The following PRIM2 variants were observed in gnomAD, a reference collection of about 807,000 sequenced individuals.
PRIM2 encodes the protein DNA primase large subunit.
A neutral mutation model predicts 67.3 loss-of-function variants in PRIM2; 39 were observed. The ratio of observed to expected loss-of-function variants is 0.58; its 90% CI spans 0.45 to 0.76. The LOEUF (loss-of-function observed/expected upper bound fraction) is 0.76. Among genes scored for constraint, PRIM2 ranks in the 30% least tolerant of loss-of-function variants. The pLI, the probability that PRIM2 is intolerant of heterozygous loss-of-function variation, is 0.00. For synonymous variants in PRIM2, 143 were observed against 198.7 expected (o/e 0.72, Z 2.36); for missense variants, 398 against 598.7 (o/e 0.66, Z 3.50).
chr6:57,349,482 G>C (rs764160311), intron 5 of PRIM2, among the ~76,000 whole-genome samples: 1 of 150,082 alleles, frequency 6.7e-6, no homozygotes, highest in East Asian at 1.9e-4. Flanking sequence ...TATATATTTA[G>C]TTATGGAATT....
chr6:57,304,884 T>G, the PRIM2 span, among the ~76,000 whole-genome samples: 1,073 of 152,216 alleles, frequency 7.0e-3, 12 homozygotes, highest in African/African-American at 0.024. Context: ...AACATAAAGT[T>G]TTTACTACTT....
At chr6:57,238,896 C>T in the PRIM2 span, among the ~76,000 whole-genome samples, 2 of 152,232 alleles carry the variant, frequency 1.3e-5, no homozygotes, top group South Asian at 2.1e-4. Context: ...ATATTATTGT[C>T]AAGCTCCTTA....
the PRIM2 span, among the ~76,000 whole-genome samples, chr6:57,249,972 T>C: frequency 6.6e-6 from 1 of 152,314 alleles, no homozygotes; most frequent in South Asian, 2.1e-4. Context: ...CTTCCTGCTG[T>C]TGGGAGGACC....
At chr6:57,283,004 CTCA>C in the PRIM2 span, among the ~76,000 whole-genome samples, 19 of 152,034 alleles carry the variant, frequency 1.2e-4, no homozygotes, top group African/African-American at 4.4e-4. Flanking sequence ...TCTCACTCTT[CTCA>C]TCATTAATTG....
chr6:57,568,235 G>T (rs1407660497), intron 10 of PRIM2, among the ~76,000 whole-genome samples: 2 of 152,148 alleles, frequency 1.3e-5, no homozygotes, highest in African/African-American at 4.8e-5. Flanking sequence ...AGGTGGATAG[G>T]TAGGAAAATA....
At chr6:57,325,381 C>T (rs1324227889) in intron 4 of PRIM2, among the ~76,000 whole-genome samples, 1 of 149,448 alleles carries the variant, frequency 6.7e-6, no homozygotes, top group East Asian at 2.0e-4. Flanking sequence ...CTCACTGCAG[C>T]CTCAACATCC....
chr6:57,431,404 A>G (rs1309676062), intron 7 of PRIM2, among the ~76,000 whole-genome samples: 1 of 152,050 alleles, frequency 6.6e-6, no homozygotes. Flanking sequence ...TGTAATCCCA[A>G]CACTTCGGGA....
chr6:57,416,179 C>G lies in PRIM2; in HGVS notation c.693+34011C>G, dbSNP rs1219537366. Among the ~76,000 whole-genome samples, 583 of 152,202 alleles carry G rather than the reference C, an allele frequency of 3.8e-3. 3 individuals are homozygous for G. Among genetic ancestry groups the G allele is most frequent in the African/African-American group, 0.013 (550 of 41,526 alleles). On this transcript the variant is annotated intron_variant, in intron 7 of 13. Coordinates refer to ENST00000615550, the MANE Select transcript of PRIM2 (RefSeq NM_000947.5). ...ATAAGATGTGAAAGTTAAAATATTC[C>G]TGATCCATGGGCAGCAGAATGGATA...
At chr6:57,536,842 G>A (rs1289849161) in intron 9 of PRIM2, among the ~76,000 whole-genome samples, 117 of 152,344 alleles carry the variant, frequency 7.7e-4, no homozygotes, top group Non-Finnish European at 1.2e-3. Context: ...GGAGCAGGGT[G>A]CAAAAGATAG....
At chr6:57,244,231 G>A in the PRIM2 span, among the ~76,000 whole-genome samples, 1 of 152,148 alleles carries the variant, frequency 6.6e-6, no homozygotes, top group Non-Finnish European at 1.5e-5. Context: ...TTATTTGCCG[G>A]AAGCTGGGCA....
rs1456980889 is a variant in PRIM2, at chr6:57,454,872, G to C, written c.694-52515G>C. Reference sequence around the variant, plus strand: ...TTGCTTCTCTAGTTCTTTTAATTGTGATGTTAGGGTGTCAATTTTAGATCT... The same window carrying C: ...TTGCTTCTCTAGTTCTTTTAATTGTCATGTTAGGGTGTCAATTTTAGATCT... On this transcript the variant is annotated intron_variant, in intron 7 of 13. Coordinates refer to ENST00000615550, the MANE Select transcript of PRIM2 (RefSeq NM_000947.5). Among the ~76,000 whole-genome samples, 6 of 152,208 alleles carry C rather than the reference G, an allele frequency of 3.9e-5. No homozygotes were observed. The East Asian group carries it at 1.2e-3, about 29-fold the overall frequency.
At chr6:57,439,168 G>A (rs907554950) in intron 7 of PRIM2, among the ~76,000 whole-genome samples, 8 of 152,036 alleles carry the variant, frequency 5.3e-5, no homozygotes. Context: ...GGTCACTTTG[G>A]CTTTGGGTTT....
chr6:57,374,141 T>A (rs1459269740), intron 5 of PRIM2, among the ~76,000 whole-genome samples: 1 of 150,104 alleles, frequency 6.7e-6, no homozygotes, highest in Non-Finnish European at 1.5e-5. Flanking sequence ...GGTTTGTAGA[T>A]CTCCTTGAAG....
intron 10 of PRIM2, among the ~76,000 whole-genome samples, chr6:57,556,260 C>T (rs1458070471): frequency 1.3e-5 from 2 of 152,272 alleles, no homozygotes; most frequent in East Asian, 3.9e-4. Flanking sequence ...ATCCAACTAC[C>T]AATGACATTC....
chr6:57,273,913 G>A, the PRIM2 span, among the ~76,000 whole-genome samples: 4 of 152,310 alleles, frequency 2.6e-5, no homozygotes, highest in South Asian at 8.3e-4. Flanking sequence ...GTTTGCCTGG[G>A]TATCAGCAGC....
At chr6:57,459,361 T>C (rs1464121660) in intron 7 of PRIM2, among the ~76,000 whole-genome samples, 18 of 152,158 alleles carry the variant, frequency 1.2e-4, no homozygotes, top group Middle Eastern at 3.2e-3. Flanking sequence ...AAAAACCTCA[T>C]AGAAAGGAAT....
chr6:57,446,292 T>TG (rs1360573815), intron 7 of PRIM2, among the ~76,000 whole-genome samples: 4 of 151,022 alleles, frequency 2.6e-5, no homozygotes, highest in African/African-American at 4.9e-5. Context: ...TTTTTTTGTT[T>TG]TTTTTTTTTT....
the PRIM2 span, among the ~76,000 whole-genome samples, chr6:57,292,753 T>A: frequency 6.6e-5 from 10 of 152,198 alleles, no homozygotes; most frequent in Non-Finnish European, 1.2e-4. Context: ...GTTCCCTATT[T>A]AATAAATGGT....
intron 13 of PRIM2, among the ~76,000 whole-genome samples, chr6:57,638,989 T>C (rs1418389887): frequency 5.3e-5 from 8 of 152,162 alleles, no homozygotes; most frequent in South Asian, 2.1e-4. Context: ...TATTCTAAAA[T>C]TGACCACATA....
Sources: gnomAD v4.1 joint callset for allele counts (sites outside exome capture counted in the v4.1 genomes callset) on GRCh38, gnomAD v4.1.1 for gene constraint, MANE v1.5 for transcripts, NCBI Gene and HGNC (gene_info 2026-07-23, HGNC 2026-07-21) for gene names.